The following IHO1 variants were observed in gnomAD, a reference collection of about 807,000 sequenced individuals.
IHO1 encodes the protein interactor of HORMAD1 protein 1.
Under a neutral mutation model 31.0 loss-of-function variants are expected in IHO1, and 13 were observed. The observed-to-expected ratio is 0.42, with a 90% CI of 0.27 to 0.67. The LOEUF (loss-of-function observed/expected upper bound fraction) is 0.67. IHO1 is among the 30% of genes least tolerant of loss of function. IHO1 has a pLI of 0.24. For synonymous variants in IHO1, 221 were observed against 248.4 expected (o/e 0.89, Z 1.04); for missense variants, 599 against 687.5 (o/e 0.87, Z 1.44).
chr3:49,202,769 G>A (rs1351053459), intron 1 of IHO1, among the ~76,000 whole-genome samples: 1 of 151,734 alleles, frequency 6.6e-6, no homozygotes, highest in Non-Finnish European at 1.5e-5. Context: ...TCCGCCTCCT[G>A]GGTTCAAGCG....
In IHO1 at chr3:49,257,047, G is replaced by A. The variant is rs760893646; in HGVS notation, c.1550G>A (p.Gly517Glu). The change falls in exon 8 of 8, where the codon GGA becomes GAA. Residue 517 changes from glycine (G) to glutamate (E), a missense_variant. By Grantham distance (98) the Gly-to-Glu change is moderately conservative. Transcript: ENST00000452691. Reference protein sequence around the residue: ...SPRKPVCPILGGTVMPNKTVR... With the variant: ...SPRKPVCPILEGTVMPNKTVR... The stretch of plus-strand genomic sequence containing the variant: ...AGAAAACCAGTCTGCCCTATTCTGG[G>A]AGGAACAGTCATGCCCAATAAGACA... 6.2e-7 allele frequency: 1 copy of A among 1,614,234 alleles called. No individual in the cohort carries two copies. The highest frequency in any genetic ancestry group is 1.1e-5 in the South Asian group (1 of 91,090).
intron 6 of IHO1, among the ~76,000 whole-genome samples, chr3:49,253,263 T>TA (rs2046782646): frequency 6.6e-6 from 1 of 150,786 alleles, no homozygotes; most frequent in South Asian, 2.1e-4. Context: ...CCATCTCTAT[T>TA]AAAATACAAT....
intron 3 of IHO1, among the ~76,000 whole-genome samples, chr3:49,237,948 C>G (rs1480053689): frequency 8.0e-6 from 1 of 124,478 alleles, no homozygotes; most frequent in Non-Finnish European, 1.6e-5. Flanking sequence ...TCACCTGGGC[C>G]GAGGTCCAGT....
At chr3:49,251,794 G>T (rs1440739360) in intron 6 of IHO1, among the ~76,000 whole-genome samples, 2 of 151,988 alleles carry the variant, frequency 1.3e-5, no homozygotes, top group Non-Finnish European at 2.9e-5. Flanking sequence ...TAGAGACGGG[G>T]TTTCTCCATG....
intron 4 of IHO1, among the ~76,000 whole-genome samples, chr3:49,242,267 G>A (rs998263288): frequency 1.3e-5 from 2 of 151,640 alleles, no homozygotes; most frequent in Non-Finnish European, 2.9e-5. Flanking sequence ...AAGTAGCTTC[G>A]ATCAGAGGCA....
chr3:49,223,517 C>A (rs953781448), intron 2 of IHO1, among the ~76,000 whole-genome samples: 1 of 152,068 alleles, frequency 6.6e-6, no homozygotes, highest in East Asian at 1.9e-4. Flanking sequence ...CGGTGAAACC[C>A]CGTCTCTACT....
intron 1 of IHO1, among the ~76,000 whole-genome samples, chr3:49,203,384 C>A (rs2046096021): frequency 6.6e-6 from 1 of 152,124 alleles, no homozygotes; most frequent in African/African-American, 2.4e-5. Context: ...ATTACAGATG[C>A]CCCTGTAGGT....
chr3:49,210,471 C>G (rs1231272222), intron 1 of IHO1, among the ~76,000 whole-genome samples: 1 of 151,680 alleles, frequency 6.6e-6, no homozygotes, highest in Non-Finnish European at 1.5e-5. Context: ...GATCTTGGCT[C>G]ACTGCAACCT....
intron 2 of IHO1, among the ~76,000 whole-genome samples, chr3:49,234,162 G>GTTTTTTTTTTTTTTTTTT (rs56802492): frequency 3.6e-4 from 33 of 91,908 alleles, no homozygotes; most frequent in South Asian, 8.7e-4. Flanking sequence ...TTTTGTTGTT[G>GTTTTTTTTTTTTTTTTTT]TTTTTTTTTT....
chr3:49,213,554 G>A (rs955324255), intron 2 of IHO1, among the ~76,000 whole-genome samples: 1 of 152,204 alleles, frequency 6.6e-6, no homozygotes, highest in African/African-American at 2.4e-5. Context: ...TCAGCCCTTG[G>A]GTGGTCGATG....
At chr3:49,209,652 G>GTATT (rs1409919849) in intron 1 of IHO1, among the ~76,000 whole-genome samples, 1 of 151,356 alleles carries the variant, frequency 6.6e-6, no homozygotes, top group East Asian at 1.9e-4. Context: ...AAAAAGGCTT[G>GTATT]TATTTCTAAT....
intron 2 of IHO1, among the ~76,000 whole-genome samples, chr3:49,230,658 C>T (rs184724131): frequency 4.2e-4 from 64 of 152,278 alleles, no homozygotes; most frequent in Non-Finnish European, 6.8e-4. Flanking sequence ...TTGCAAAATT[C>T]GATTTCTCAC....
At chr3:49,220,554 G>T (rs1033551135) in intron 2 of IHO1, among the ~76,000 whole-genome samples, 9 of 152,096 alleles carry the variant, frequency 5.9e-5, no homozygotes, top group Non-Finnish European at 1.3e-4. Context: ...TCTTTGTGGC[G>T]AGTGTCACAG....
At chr3:49,226,929 C>A (rs553420354) in intron 2 of IHO1, among the ~76,000 whole-genome samples, 5 of 152,040 alleles carry the variant, frequency 3.3e-5, no homozygotes, top group Non-Finnish European at 7.4e-5. Context: ...GGGACGTAAC[C>A]GATAACCTGG....
intron 1 of IHO1, among the ~76,000 whole-genome samples, chr3:49,208,352 A>C (rs2046167241): frequency 6.6e-6 from 1 of 152,212 alleles, no homozygotes; most frequent in Non-Finnish European, 1.5e-5. Context: ...ATCTCCTGTC[A>C]GGTCAGTGGC....
chr3:49,195,937 A>G (rs1246062663), upstream of IHO1, among the ~76,000 whole-genome samples: 2 of 140,560 alleles, frequency 1.4e-5, no homozygotes, highest in Non-Finnish European at 3.1e-5. Context: ...CATCTCTACT[A>G]AAAAAAAAAA....
intron 2 of IHO1, among the ~76,000 whole-genome samples, chr3:49,223,627 C>T (rs2046381984): frequency 6.6e-6 from 1 of 151,616 alleles, no homozygotes; most frequent in Non-Finnish European, 1.5e-5. Flanking sequence ...GGAGGCAGAG[C>T]TTGCAGTGAG....
upstream of IHO1, among the ~76,000 whole-genome samples, chr3:49,194,555 T>C (rs556341819): frequency 3.1e-3 from 451 of 145,490 alleles, 4 homozygotes; most frequent in Non-Finnish European, 5.9e-3. Flanking sequence ...CCTCCCAAAG[T>C]GCTGAGATTA....
chr3:49,227,512 A>G (rs1252824727), intron 2 of IHO1, among the ~76,000 whole-genome samples: 3 of 152,146 alleles, frequency 2.0e-5, no homozygotes, highest in Non-Finnish European at 4.4e-5. Context: ...TTCCTCCTAG[A>G]CCACAAGGAG....
Sources: gnomAD v4.1 joint callset for allele counts (sites outside exome capture counted in the v4.1 genomes callset) on GRCh38, gnomAD v4.1.1 for gene constraint, MANE v1.5 for transcripts, NCBI Gene and HGNC (gene_info 2026-07-23, HGNC 2026-07-21) for gene names.